Variants in CACHD1 observed in about 807,000 individuals in gnomAD.
The protein encoded by CACHD1 is VWFA and cache domain-containing protein 1.
CACHD1 carries 71 observed loss-of-function variants against 138.7 expected under a neutral mutation model. The observed-to-expected ratio is 0.51, with a 90% CI of 0.42 to 0.62. The LOEUF (loss-of-function observed/expected upper bound fraction) is 0.62, where lower values mean the gene tolerates loss of function less well. Among genes scored for constraint, CACHD1 ranks in the 20% least tolerant of loss-of-function variants. The pLI is 0.00. For synonymous variants in CACHD1, 578 were observed against 591.5 expected, an observed-to-expected ratio of 0.98 and a Z score of 0.33; for missense variants, 1,389 against 1,625.3, an observed-to-expected ratio of 0.85 and a Z score of 2.50.
chr1:64,472,134 C>T (rs1029396852), intron 1 of CACHD1, among the ~76,000 whole-genome samples: 2 of 152,108 alleles, frequency 1.3e-5, no homozygotes, highest in East Asian at 1.9e-4. Context: ...CCACCTCCCA[C>T]CGGGAGAGGT....
At chr1:64,612,170 T>C (rs371086168) in intron 4 of CACHD1, among the ~76,000 whole-genome samples, 46 of 152,332 alleles carry the variant, frequency 3.0e-4, no homozygotes, top group African/African-American at 1.0e-3. Flanking sequence ...CAATTCAAGA[T>C]GAGGTTTGGG....
intron 7 of CACHD1, among the ~76,000 whole-genome samples, chr1:64,637,203 A>G (rs1440287272): frequency 6.6e-6 from 1 of 152,218 alleles, no homozygotes; most frequent in Non-Finnish European, 1.5e-5. Flanking sequence ...TACTTTTCAA[A>G]TAATGGAGAG....
chr1:64,574,762 T>G (rs1346828285), intron 2 of CACHD1, among the ~76,000 whole-genome samples: 8 of 152,216 alleles, frequency 5.3e-5, no homozygotes, highest in African/African-American at 1.9e-4. Flanking sequence ...TATTATTATA[T>G]CCAATTTAGA....
intron 17 of CACHD1, 58 bp downstream of exon 17, chr1:64,671,744 G>A: frequency 6.2e-7 from 1 of 1,603,806 alleles, no homozygotes; most frequent in Non-Finnish European, 8.5e-7. Context: ...TAGATGTCAG[G>A]TATCTCTAGT....
At chr1:64,560,646 A>G (rs1423157009) in intron 2 of CACHD1, among the ~76,000 whole-genome samples, 2 of 152,104 alleles carry the variant, frequency 1.3e-5, no homozygotes, top group African/African-American at 4.8e-5. Context: ...GGATATACCA[A>G]GTGAACTTGT....
At chr1:64,668,195 C>T (rs1038078875) in intron 16 of CACHD1, among the ~76,000 whole-genome samples, 8 of 152,018 alleles carry the variant, frequency 5.3e-5, no homozygotes, top group African/African-American at 9.6e-5. Flanking sequence ...GGCATGGAGG[C>T]GCATGCCTGT....
At chr1:64,553,175 C>A (rs947965865) in intron 2 of CACHD1, among the ~76,000 whole-genome samples, 2 of 152,172 alleles carry the variant, frequency 1.3e-5, no homozygotes, top group African/African-American at 4.8e-5. Context: ...ATTATTACAA[C>A]AACATAACAA....
intron 11 of CACHD1, among the ~76,000 whole-genome samples, chr1:64,654,303 T>C (rs1226918276): frequency 6.6e-6 from 1 of 152,230 alleles, no homozygotes; most frequent in Non-Finnish European, 1.5e-5. Flanking sequence ...CACAATCTTA[T>C]ACATTGTTTT....
At chr1:64,645,712 G>T (rs11208488) in intron 8 of CACHD1, among the ~76,000 whole-genome samples, 1 of 152,234 alleles carries the variant, frequency 6.6e-6, no homozygotes, top group African/African-American at 2.4e-5. Flanking sequence ...TTTTGTGGCT[G>T]CCAGCCCCCG....
rs143516192 is a variant in CACHD1, at chr1:64,537,183, C to T, written c.199-13411C>T. The stretch of plus-strand genomic sequence containing the variant: ...CTTGCTTAGGTCTGGGAAGGTGTCT[C>T]AGACCAGCCCTCCTATTCTCTTTAA... On this transcript the variant is annotated intron_variant, in intron 1 of 26. Transcript: ENST00000651257. Among the ~76,000 whole-genome samples, 637 of 152,228 alleles carry T rather than the reference C, an allele frequency of 4.2e-3. 8 individuals carry two copies. The highest frequency in any genetic ancestry group is 0.015 in the African/African-American group (610 of 41,522).
At chr1:64,516,518 C>G (rs1312843301) in intron 1 of CACHD1, among the ~76,000 whole-genome samples, 1 of 152,180 alleles carries the variant, frequency 6.6e-6, no homozygotes, top group Admixed American at 6.5e-5. Context: ...GAGATTCTGT[C>G]AGTGAGGCTG....
At chr1:64,681,553 T>TTTTGTTTTTG (rs1225709929) in intron 25 of CACHD1, among the ~76,000 whole-genome samples, 15 of 146,166 alleles carry the variant, frequency 1.0e-4, no homozygotes, top group African/African-American at 3.3e-4. Context: ...TTTTTTTTTT[T>TTTTGTTTTTG]TTTTTTTTTT....
At chr1:64,565,147 T>C (rs982569920) in intron 2 of CACHD1, among the ~76,000 whole-genome samples, 4 of 151,234 alleles carry the variant, frequency 2.6e-5, no homozygotes, top group African/African-American at 7.3e-5. Context: ...CTCAGACTTG[T>C]CCAGGCTGCA....
rs1646819264 is a variant in CACHD1 at position 64,559,028 on chromosome 1, A to T, written c.261+8372A>T. 2.0e-5 allele frequency among the ~76,000 whole-genome samples: 3 copies of T among 152,346 alleles called. No homozygotes were observed. The South Asian group carries it at 6.2e-4, about 32-fold the overall frequency. On this transcript the variant is annotated intron_variant, in intron 2 of 26. Coordinates refer to ENST00000651257, the MANE Select transcript of CACHD1 (RefSeq NM_020925.4). ...CTGGCGAGGTTGCAGAGAAAAGGGA[A>T]CACTAATACACTGTTGGTGGGAGTG...
intron 2 of CACHD1, among the ~76,000 whole-genome samples, chr1:64,559,257 A>C (rs115561196): frequency 6.6e-6 from 1 of 152,218 alleles, no homozygotes; most frequent in Admixed American, 6.5e-5. Context: ...AATGCCCATC[A>C]ATGACAAACT....
intron 1 of CACHD1, among the ~76,000 whole-genome samples, chr1:64,540,321 A>T (rs1022161859): frequency 2.0e-5 from 3 of 151,768 alleles, no homozygotes; most frequent in African/African-American, 7.3e-5. Context: ...TCTAGGGGGT[A>T]GGGGTGGAGG....
intron 13 of CACHD1, among the ~76,000 whole-genome samples, chr1:64,659,190 T>C (rs993545567): frequency 3.0e-4 from 45 of 152,162 alleles, no homozygotes; most frequent in African/African-American, 1.0e-3. Flanking sequence ...TTCAGCCTGG[T>C]CTTCTAGGGG....
intron 2 of CACHD1, among the ~76,000 whole-genome samples, chr1:64,561,473 T>A (rs963901839): frequency 2.6e-5 from 4 of 152,234 alleles, no homozygotes; most frequent in African/African-American, 9.6e-5. Context: ...CAGCTGATAT[T>A]GAATCTGAAG....
intron 2 of CACHD1, among the ~76,000 whole-genome samples, chr1:64,564,902 C>T (rs1053439057): frequency 6.6e-6 from 1 of 151,884 alleles, no homozygotes; most frequent in African/African-American, 2.4e-5. Flanking sequence ...GTGTACTGAG[C>T]CACAGGAAGA....
Sources: allele counts gnomAD v4.1 joint callset (sites outside exome capture counted in the v4.1 genomes callset), GRCh38; gene constraint gnomAD v4.1.1; transcripts MANE v1.5; gene names NCBI Gene and HGNC (gene_info 2026-07-23, HGNC 2026-07-21).